The following LRBA variants were observed in gnomAD, a reference collection of about 807,000 sequenced individuals.
LRBA encodes the protein lipopolysaccharide-responsive and beige-like anchor protein.
Under a neutral mutation model 330.0 loss-of-function variants are expected in LRBA, and 176 were observed. The ratio of observed to expected loss-of-function variants is 0.53; its 90% CI spans 0.47 to 0.60. LRBA has a LOEUF of 0.60. Among genes scored for constraint, LRBA ranks in the 20% least tolerant of loss-of-function variants. The pLI is 0.00. For missense variants in LRBA, 3,259 were observed against 3,444.8 expected (o/e 0.95, Z 1.35); for synonymous variants, 1,230 against 1,193.0 (o/e 1.03, Z -0.64).
chr4:150,729,888 T>C (rs1175691360), intron 36 of LRBA, among the ~76,000 whole-genome samples: 1 of 152,096 alleles, frequency 6.6e-6, no homozygotes, highest in Non-Finnish European at 1.5e-5. Flanking sequence ...GAACAAACAT[T>C]GGAGAAAAGA....
At chr4:150,933,109 C>T (rs1312862614) in intron 2 of LRBA, among the ~76,000 whole-genome samples, 1 of 151,828 alleles carries the variant, frequency 6.6e-6, no homozygotes, top group African/African-American at 2.4e-5. Context: ...TAATGACAGC[C>T]TGGCATGATG....
At chr4:150,275,639 A>G (rs923019303) in intron 56 of LRBA, among the ~76,000 whole-genome samples, 17 of 152,330 alleles carry the variant, frequency 1.1e-4, no homozygotes, top group African/African-American at 4.1e-4. Flanking sequence ...CACCAATAAC[A>G]GACAAACAGC....
chr4:150,671,755 T>C (rs919532527), intron 37 of LRBA, among the ~76,000 whole-genome samples: 1 of 152,100 alleles, frequency 6.6e-6, no homozygotes, highest in Non-Finnish European at 1.5e-5. Flanking sequence ...AGTAAGTTCA[T>C]AGAAGGCTTG....
chr4:150,579,927 A>G, intron 40 of LRBA: 1 of 337,450 alleles, frequency 3.0e-6, no homozygotes, highest in East Asian at 8.5e-5. Context: ...CCCCGCCACC[A>G]GTCTCCGCCC....
chr4:150,979,696 A>G (rs1008887514), intron 2 of LRBA, among the ~76,000 whole-genome samples: 1 of 152,216 alleles, frequency 6.6e-6, no homozygotes, highest in Non-Finnish European at 1.5e-5. Context: ...AGTTTAAAAT[A>G]ATAAGTTATA....
intron 37 of LRBA, among the ~76,000 whole-genome samples, chr4:150,667,309 A>C (rs1320351993): frequency 6.6e-6 from 1 of 152,208 alleles, no homozygotes; most frequent in Non-Finnish European, 1.5e-5. Flanking sequence ...GCATGTAATC[A>C]TAAGCATCCT....
At chr4:150,888,352 C>A (rs1468817641) in intron 17 of LRBA, among the ~76,000 whole-genome samples, 3 of 152,080 alleles carry the variant, frequency 2.0e-5, no homozygotes, top group Non-Finnish European at 4.4e-5. Context: ...ACTGTAAATA[C>A]CTGGATAAAA....
chr4:150,467,677 G>A lies in LRBA; in HGVS notation c.6776C>T (p.Ser2259Phe). ...LTLPTNFRDL[S>F]KPIGALNPKR... ...ACATCATTACTGAGAAATTACCTTG[G>A]ACAAATCTCTGAAGTTGGTGGGCAA... The change falls in exon 44 of 57, where the codon TCC (serine) becomes TTC (phenylalanine). Residue 2259 changes from serine to phenylalanine, a missense_variant. By Grantham distance (155) the Ser-to-Phe change is radical. Coordinates refer to ENST00000651943, the MANE Select transcript of LRBA (RefSeq NM_001364905.1). 1.3e-6 allele frequency: 2 copies of A among 1,559,668 alleles called. No individual in the cohort carries two copies. The highest frequency in any genetic ancestry group is 2.3e-5 in the East Asian group (1 of 44,294).
At chr4:150,932,377 A>G (rs1734611111) in intron 2 of LRBA, among the ~76,000 whole-genome samples, 1 of 150,882 alleles carries the variant, frequency 6.6e-6, no homozygotes, top group East Asian at 1.9e-4. Context: ...AAAAAAAAAA[A>G]GAAAATTTAG....
intron 47 of LRBA, among the ~76,000 whole-genome samples, chr4:150,390,329 T>G (rs957999633): frequency 6.6e-5 from 10 of 152,158 alleles, no homozygotes; most frequent in African/African-American, 2.2e-4. Flanking sequence ...GACTTAACAC[T>G]TTGGCTATCT....
At chr4:150,445,373 CTCTCTATATA>C (rs1443583058) in intron 44 of LRBA, among the ~76,000 whole-genome samples, 100 of 83,948 alleles carry the variant, frequency 1.2e-3, no homozygotes, top group East Asian at 4.0e-3. Flanking sequence ...CTCTCTCTCT[CTCTCTATATA>C]TATATATATA....
intron 30 of LRBA, among the ~76,000 whole-genome samples, chr4:150,824,923 C>T (rs1273085854): frequency 1.3e-5 from 2 of 152,028 alleles, no homozygotes; most frequent in African/African-American, 2.4e-5. Flanking sequence ...TACAGGCACA[C>T]ATCACCATGC....
intron 36 of LRBA, among the ~76,000 whole-genome samples, chr4:150,692,391 T>C (rs1784219317): frequency 6.6e-6 from 1 of 152,068 alleles, no homozygotes; most frequent in African/African-American, 2.4e-5. Context: ...ACTAATTTTT[T>C]CGATTTATTG....
chr4:150,407,318 G>A (rs1044652214), intron 47 of LRBA, among the ~76,000 whole-genome samples: 10 of 152,168 alleles, frequency 6.6e-5, no homozygotes, highest in African/African-American at 2.4e-4. Context: ...CCAAGTGTTT[G>A]CAGTAATTTG....
chr4:150,272,256 A>T (rs1746208443), intron 56 of LRBA, among the ~76,000 whole-genome samples: 1 of 152,180 alleles, frequency 6.6e-6, no homozygotes, highest in African/African-American at 2.4e-5. Context: ...GAAAACTAAC[A>T]AACAGGAATA....
At chr4:150,608,820 A>G (rs1774935116) in intron 37 of LRBA, among the ~76,000 whole-genome samples, 1 of 152,142 alleles carries the variant, frequency 6.6e-6, no homozygotes, top group African/African-American at 2.4e-5. Flanking sequence ...ATATTTACCT[A>G]TTCTGGACAT....
At chr4:150,827,604 C>CA (rs1560875320) in intron 30 of LRBA, among the ~76,000 whole-genome samples, 1 of 140,126 alleles carries the variant, frequency 7.1e-6, no homozygotes, top group Non-Finnish European at 1.6e-5. Context: ...CTTTTTTTTT[C>CA]TTTTTTTTTT....
chr4:150,989,745 A>G (rs1741859977), intron 2 of LRBA, among the ~76,000 whole-genome samples: 1 of 152,104 alleles, frequency 6.6e-6, no homozygotes, highest in South Asian at 2.1e-4. Context: ...AGAAAGAAAG[A>G]AGGAAATAAA....
At chr4:150,551,131 GCTCT>G (rs1766531534) in intron 40 of LRBA, among the ~76,000 whole-genome samples, 1 of 152,100 alleles carries the variant, frequency 6.6e-6, no homozygotes, top group African/African-American at 2.4e-5. Context: ...GACCCCTCTT[GCTCT>G]CTCTGTCTCA....
Sources: gnomAD v4.1 joint callset for allele counts (sites outside exome capture counted in the v4.1 genomes callset) on GRCh38, gnomAD v4.1.1 for gene constraint, MANE v1.5 for transcripts, NCBI Gene and HGNC (gene_info 2026-07-23, HGNC 2026-07-21) for gene names.